DPP6: variants seen among roughly 807,000 people sequenced by gnomAD.
The protein encoded by DPP6 is A-type potassium channel modulatory protein DPP6.
Under a neutral mutation model 122.6 loss-of-function variants are expected in DPP6, and 69 were observed. The ratio of observed to expected loss-of-function variants is 0.56; its 90% CI spans 0.46 to 0.69. DPP6 has a LOEUF of 0.69. Among genes scored for constraint, DPP6 ranks in the 30% least tolerant of loss-of-function variants. DPP6 has a pLI of 0.00. For synonymous variants in DPP6, 418 were observed against 433.1 expected (o/e 0.97, Z 0.43); for missense variants, 928 against 1,116.9 (o/e 0.83, Z 2.41).
At chr7:154,254,940 TG>T (rs1802563738) in intron 1 of DPP6, among the ~76,000 whole-genome samples, 1 of 152,034 alleles carries the variant, frequency 6.6e-6, no homozygotes. Flanking sequence ...AAACGCAAAT[TG>T]TATTTCCTTT....
chr7:154,314,292 T>A (rs1483002881), intron 1 of DPP6, among the ~76,000 whole-genome samples: 1 of 152,208 alleles, frequency 6.6e-6, no homozygotes, highest in Non-Finnish European at 1.5e-5. Flanking sequence ...CGGAATGCTG[T>A]TCTTGGCATG....
At chr7:154,156,979 G>A (rs1469010396) in intron 1 of DPP6, among the ~76,000 whole-genome samples, 2 of 152,266 alleles carry the variant, frequency 1.3e-5, no homozygotes, top group African/African-American at 2.4e-5. Flanking sequence ...TTTCCCTGGT[G>A]GGGAAGAACA....
chr7:154,533,551 T>C (rs1470244329), intron 3 of DPP6, among the ~76,000 whole-genome samples: 1 of 151,898 alleles, frequency 6.6e-6, no homozygotes, highest in Non-Finnish European at 1.5e-5. Flanking sequence ...TTTCAGAAAA[T>C]AGAATAGAAT....
At chr7:154,534,716 C>T (rs556169521) in intron 3 of DPP6, among the ~76,000 whole-genome samples, 5 of 152,078 alleles carry the variant, frequency 3.3e-5, no homozygotes, top group African/African-American at 7.2e-5. Context: ...AAGCTAAGAA[C>T]GATCTAAACA....
At chr7:154,721,710 C>T (rs1467783891) in intron 7 of DPP6, among the ~76,000 whole-genome samples, 1 of 152,168 alleles carries the variant, frequency 6.6e-6, no homozygotes, top group Admixed American at 6.5e-5. Flanking sequence ...TCACATGACA[C>T]CTCCTCTGAA....
intron 1 of DPP6, among the ~76,000 whole-genome samples, chr7:154,172,172 T>C (rs1035747772): frequency 5.4e-5 from 7 of 129,366 alleles, no homozygotes; most frequent in African/African-American, 1.7e-4. Context: ...CTGCCACAGG[T>C]GTTTAATGAA....
intron 1 of DPP6, among the ~76,000 whole-genome samples, chr7:154,379,829 T>A (rs1813438300): frequency 6.6e-6 from 1 of 152,178 alleles, no homozygotes; most frequent in Non-Finnish European, 1.5e-5. Context: ...ATAGCCAAAC[T>A]AAGCATTGCC....
chr7:154,032,839 C>T (rs1799314089), intron 1 of DPP6, among the ~76,000 whole-genome samples: 1 of 150,342 alleles, frequency 6.7e-6, no homozygotes, highest in African/African-American at 2.5e-5. Context: ...TGTCCGCACC[C>T]CCCACCGACC....
chr7:154,882,731 T>A (rs565274046), intron 21 of DPP6, among the ~76,000 whole-genome samples: 21 of 150,398 alleles, frequency 1.4e-4, no homozygotes, highest in African/African-American at 4.9e-4. Context: ...GCAGGCCGCG[T>A]GGCCCTGCAG....
Position 154,747,549 on chromosome 7 carries a change from G to C in DPP6, c.883+19662G>C, listed in dbSNP as rs144028042. Among the ~76,000 whole-genome samples, 14 of 152,230 alleles carry C rather than the reference G, an allele frequency of 9.2e-5. No individual in the cohort carries two copies. In the South Asian group the frequency reaches 2.9e-3, roughly 32 times the overall value. ...CATCGACCTTGTGGGGTCATTGTGC[G>C]AATCGCCATACTGTGTTAGTCTAGC... On this transcript the variant is annotated intron_variant, in intron 8 of 25. Coordinates refer to ENST00000377770, the MANE Select transcript of DPP6 (RefSeq NM_130797.4).
At chr7:153,983,512 C>T (rs948975930) in intron 1 of DPP6, among the ~76,000 whole-genome samples, 2 of 152,198 alleles carry the variant, frequency 1.3e-5, no homozygotes, top group Non-Finnish European at 2.9e-5. Context: ...CTGAGCAAGA[C>T]CACTTGGCTC....
intron 1 of DPP6, among the ~76,000 whole-genome samples, chr7:154,073,785 A>G (rs1803301459): frequency 6.6e-6 from 1 of 152,180 alleles, no homozygotes; most frequent in Non-Finnish European, 1.5e-5. Context: ...ATTTGAAAGT[A>G]AGTTATTTTT....
chr7:153,856,568 A>C, the DPP6 span, among the ~76,000 whole-genome samples: 1 of 152,188 alleles, frequency 6.6e-6, no homozygotes, highest in Non-Finnish European at 1.5e-5. Context: ...CCTAAACATA[A>C]CCATAAGTTA....
chr7:153,901,312 C>T (rs1204971149), intron 1 of DPP6, among the ~76,000 whole-genome samples: 1 of 152,114 alleles, frequency 6.6e-6, no homozygotes, highest in African/African-American at 2.4e-5. Flanking sequence ...GAATTTTGTT[C>T]ATGGAAATTA....
In DPP6 at chr7:153,938,555, A is replaced by G. The variant is rs17173839; in HGVS notation, c.51+50821A>G. 9.9e-3 allele frequency among the ~76,000 whole-genome samples: 1,505 copies of G among 152,326 alleles called. 32 individuals are homozygous for G. Among genetic ancestry groups the G allele is most frequent in the African/African-American group, 0.035 (1,444 of 41,570 alleles). On this transcript the variant is annotated intron_variant, in intron 1 of 25. Coordinates refer to the DPP6 transcript ENST00000404039. ...AGCCTAATGGATGAGTTGAGAAAGA[A>G]AACAGCCGAGTCAAGATTGCTAATG... is the stretch of plus-strand genomic sequence containing the variant.
At chr7:154,351,267 T>A (rs1412847150) in intron 1 of DPP6, among the ~76,000 whole-genome samples, 1 of 151,986 alleles carries the variant, frequency 6.6e-6, no homozygotes, top group Non-Finnish European at 1.5e-5. Flanking sequence ...CAGAGAGGGA[T>A]CCAACAGCTA....
At chr7:153,860,278 G>A in the DPP6 span, among the ~76,000 whole-genome samples, 2 of 152,212 alleles carry the variant, frequency 1.3e-5, no homozygotes, top group East Asian at 3.9e-4. Context: ...GGCTGCAGGG[G>A]GTACAAGGCC....
At chr7:154,313,439 G>A (rs1259069190) in intron 1 of DPP6, among the ~76,000 whole-genome samples, 2 of 151,922 alleles carry the variant, frequency 1.3e-5, no homozygotes, top group Non-Finnish European at 2.9e-5. Context: ...AGAAGGGAGG[G>A]AGGAAGTCTG....
At chr7:154,028,623 C>G (rs1177046057) in intron 1 of DPP6, among the ~76,000 whole-genome samples, 1 of 151,876 alleles carries the variant, frequency 6.6e-6, no homozygotes, top group Non-Finnish European at 1.5e-5. Flanking sequence ...GTGGCAAGCC[C>G]TCTTCCTTTC....
Sources: gnomAD v4.1 joint callset for allele counts (sites outside exome capture counted in the v4.1 genomes callset) on GRCh38, gnomAD v4.1.1 for gene constraint, MANE v1.5 for transcripts, NCBI Gene and HGNC (gene_info 2026-07-23, HGNC 2026-07-21) for gene names.